TENM3: variants seen among roughly 807,000 people sequenced by gnomAD.
The protein encoded by TENM3 is teneurin transmembrane protein 3, also known as teneurin-3.
Under a neutral mutation model 255.1 loss-of-function variants are expected in TENM3, and 63 were observed. That is an observed-to-expected ratio of 0.25 (90% CI 0.20 to 0.30). The LOEUF (loss-of-function observed/expected upper bound fraction) is 0.30, where lower values mean the gene tolerates loss of function less well. TENM3 is among the 10% of genes least tolerant of loss of function. TENM3 has a pLI of 1.00. For missense variants in TENM3, 2,929 were observed against 3,461.1 expected (o/e 0.85, Z 3.86); for synonymous variants, 1,306 against 1,322.3 (o/e 0.99, Z 0.27).
the TENM3 span, among the ~76,000 whole-genome samples, chr4:181,694,085 A>G: frequency 6.6e-6 from 1 of 152,208 alleles, no homozygotes; most frequent in East Asian, 1.9e-4. Context: ...AGAGTATTAC[A>G]TGAGATTATT....
chr4:181,604,999 A>G, the TENM3 span, among the ~76,000 whole-genome samples: 72 of 152,316 alleles, frequency 4.7e-4, no homozygotes, highest in African/African-American at 1.7e-3. Context: ...GATGGCCATT[A>G]TTATTACTGT....
intron 3 of TENM3, among the ~76,000 whole-genome samples, chr4:182,574,001 T>C (rs1275484437): frequency 3.3e-5 from 5 of 152,158 alleles, no homozygotes; most frequent in African/African-American, 1.2e-4. Context: ...TAAAGGCATT[T>C]AGCTAAAAGT....
chr4:181,688,393 T>C, the TENM3 span, among the ~76,000 whole-genome samples: 8 of 152,088 alleles, frequency 5.3e-5, no homozygotes, highest in Non-Finnish European at 1.0e-4. Context: ...AGGGAAAAAA[T>C]GAAAAATCAG....
upstream of TENM3, among the ~76,000 whole-genome samples, chr4:182,240,152 T>G (rs1579851100): frequency 6.6e-6 from 1 of 152,182 alleles, no homozygotes; most frequent in African/African-American, 2.4e-5. Context: ...TCATGATTTA[T>G]GAAGACCCTG....
the TENM3 span, among the ~76,000 whole-genome samples, chr4:182,029,232 G>T: frequency 0.92 from 139,244 of 151,966 alleles, 65,005 homozygotes; most frequent in East Asian, 1. Flanking sequence ...CATGAGATCA[G>T]GGGGTTCTCA....
intron 1 of TENM3, among the ~76,000 whole-genome samples, chr4:182,285,883 T>C (rs1204297349): frequency 2.6e-5 from 4 of 152,112 alleles, no homozygotes; most frequent in Non-Finnish European, 5.9e-5. Context: ...TTTAAACAAC[T>C]TGCAGATTAA....
the TENM3 span, among the ~76,000 whole-genome samples, chr4:181,497,659 T>G: frequency 6.6e-6 from 1 of 152,160 alleles, no homozygotes; most frequent in Admixed American, 6.6e-5. Flanking sequence ...AGTACTATTT[T>G]GTCCTTTTAT....
the TENM3 span, among the ~76,000 whole-genome samples, chr4:181,738,568 T>G: frequency 1.3e-5 from 2 of 152,178 alleles, no homozygotes; most frequent in African/African-American, 4.8e-5. Flanking sequence ...GGTAATTTCT[T>G]CACTATTTCT....
chr4:182,024,679 C>T, the TENM3 span, among the ~76,000 whole-genome samples: 24 of 152,208 alleles, frequency 1.6e-4, no homozygotes, highest in Admixed American at 2.6e-4. Flanking sequence ...GCATTTGTGT[C>T]TTTGTGTCAC....
chr4:181,646,166 G>T, the TENM3 span, among the ~76,000 whole-genome samples: 1,306 of 152,310 alleles, frequency 8.6e-3, 22 homozygotes, highest in African/African-American at 0.029. Context: ...TGGTGGTTAT[G>T]AATCACACAC....
In TENM3 at chr4:182,275,096, A is replaced by T. The variant is rs180822557; in HGVS notation, c.-76+31620A>T. On this transcript the variant is annotated intron_variant, in intron 1 of 27. Coordinates refer to ENST00000511685, the MANE Select transcript of TENM3 (RefSeq NM_001080477.4). ...TGTCTTGGCCTCCCAGCGTGCTGGG[A>T]TTATAGGCTTGAGCCACCGCACCCA... Among the ~76,000 whole-genome samples, 525 of 152,276 alleles carry T rather than the reference A, an allele frequency of 3.4e-3. 1 individual carries two copies. Among genetic ancestry groups the T allele is most frequent in the Non-Finnish European group, 6.1e-3 (412 of 68,016 alleles).
intron 1 of TENM3, among the ~76,000 whole-genome samples, chr4:182,146,890 C>G (rs1750006881): frequency 6.6e-6 from 1 of 152,012 alleles, no homozygotes; most frequent in Admixed American, 6.6e-5. Context: ...TGTTTATTTT[C>G]TAGAAAGATG....
chr4:181,697,012 G>A, the TENM3 span, among the ~76,000 whole-genome samples: 1 of 152,140 alleles, frequency 6.6e-6, no homozygotes, highest in Admixed American at 6.5e-5. Context: ...CAAATTGTCT[G>A]GTATTAACTA....
the TENM3 span, among the ~76,000 whole-genome samples, chr4:181,594,787 T>G: frequency 1.3e-5 from 2 of 152,178 alleles, no homozygotes; most frequent in African/African-American, 4.8e-5. Flanking sequence ...AAATTTAACA[T>G]GGCCAAATAG....
the TENM3 span, among the ~76,000 whole-genome samples, chr4:182,066,599 A>AAATATATATATATATATAT: frequency 1.5e-5 from 2 of 137,104 alleles, no homozygotes; most frequent in African/African-American, 5.7e-5. Flanking sequence ...GTAAAAAAAA[A>AAATATATATATATATATAT]ATATATATAT....
At chr4:181,825,441 C>T in the TENM3 span, among the ~76,000 whole-genome samples, 1 of 140,916 alleles carries the variant, frequency 7.1e-6, no homozygotes, top group Non-Finnish European at 1.5e-5. Context: ...GAATAGTTGA[C>T]ATTAATATTT....
the TENM3 span, among the ~76,000 whole-genome samples, chr4:181,610,150 A>G: frequency 6.6e-6 from 1 of 152,226 alleles, no homozygotes; most frequent in Non-Finnish European, 1.5e-5. Flanking sequence ...GACGAACCAC[A>G]TCAATGTTGC....
At chr4:181,763,593 C>T in the TENM3 span, among the ~76,000 whole-genome samples, 1 of 152,140 alleles carries the variant, frequency 6.6e-6, no homozygotes, top group Non-Finnish European at 1.5e-5. Context: ...AACAGAACCA[C>T]ACCTATCACT....
At chr4:181,730,586 G>C in the TENM3 span, among the ~76,000 whole-genome samples, 8 of 152,162 alleles carry the variant, frequency 5.3e-5, no homozygotes, top group Non-Finnish European at 7.4e-5. Flanking sequence ...AGATGTGGAG[G>C]AAGTGGGGGA....
Sources: gnomAD v4.1 joint callset for allele counts (sites outside exome capture counted in the v4.1 genomes callset) on GRCh38, gnomAD v4.1.1 for gene constraint, MANE v1.5 for transcripts, NCBI Gene and HGNC (gene_info 2026-07-23, HGNC 2026-07-21) for gene names.